Variants in DAB2 observed in about 807,000 individuals in gnomAD.
DAB2 encodes disabled homolog 2.
Under a neutral mutation model 71.6 loss-of-function variants are expected in DAB2, and 28 were observed. The ratio of observed to expected loss-of-function variants is 0.39; its 90% CI spans 0.29 to 0.54. The LOEUF (loss-of-function observed/expected upper bound fraction) is 0.54. DAB2 is among the 20% of genes least tolerant of loss of function. DAB2 has a pLI of 0.68. For missense variants in DAB2, 867 were observed against 928.8 expected, an observed-to-expected ratio of 0.93 and a Z score of 0.86; for synonymous variants, 345 against 339.7, an observed-to-expected ratio of 1.02 and a Z score of -0.17.
chr5:39,390,068 G>C, intron 5 of DAB2, 136 bp from the exon 6 acceptor site: 1 of 657,724 alleles, frequency 1.5e-6, no homozygotes, highest in Non-Finnish European at 2.6e-6. Context: ...TGGCTTATAG[G>C]GGATCACCAC....
At chr5:39,378,818 A>G (rs1754891400) in intron 11 of DAB2, among the ~76,000 whole-genome samples, 1 of 152,220 alleles carries the variant, frequency 6.6e-6, no homozygotes, top group Admixed American at 6.5e-5. Context: ...GGCATGGGGC[A>G]ATTTTAATTT....
chr5:39,389,214 T>C (rs1196613459), intron 6 of DAB2, 91 bp from the exon 7 acceptor site: 3 of 963,372 alleles, frequency 3.1e-6, no homozygotes, highest in Non-Finnish European at 4.9e-6. Flanking sequence ...TTCACAGGCA[T>C]AAGGCAAGAA....
At chr5:39,393,212 CT>C (rs1755277767) in intron 3 of DAB2, 41 bp downstream of exon 3, 2 of 1,596,648 alleles carry the variant, frequency 1.3e-6, no homozygotes, top group African/African-American at 1.3e-5. Context: ...CTCTCTTGGA[CT>C]TTTGCTTAAT....
At chr5:39,392,748 G>C (rs1449102565) in intron 3 of DAB2, among the ~76,000 whole-genome samples, 1 of 152,148 alleles carries the variant, frequency 6.6e-6, no homozygotes, top group Non-Finnish European at 1.5e-5. Flanking sequence ...GTTTCTTCTA[G>C]GCCTTGAACT....
Position 39,409,294 on chromosome 5 carries a change from T to A in DAB2, c.-101-14873A>T, listed in dbSNP as rs141881289. 1.4e-4 allele frequency among the ~76,000 whole-genome samples: 21 copies of A among 152,280 alleles called. No homozygotes were observed. The East Asian group carries it at 4.1e-3, about 29-fold the overall frequency. ...AATATGTTTTGTGGGAATAAATAAA[T>A]GCACTTTTAAACTGAGGGATGTAAA... On this transcript the variant is annotated intron_variant, in intron 1 of 14. Transcript: ENST00000320816.
intron 9 of DAB2, 149 bp from the exon 10 acceptor site, chr5:39,383,420 C>T: frequency 1.5e-6 from 1 of 647,784 alleles, no homozygotes; most frequent in South Asian, 2.0e-5. Context: ...TTCCATCAAC[C>T]CCCGTAGTCC....
Position 39,383,287 on chromosome 5 carries a change from AG to A in DAB2, c.688-17del. 6.4e-7 allele frequency: 1 copy of A among 1,565,186 alleles called. No individual in the cohort carries two copies. The highest frequency in any genetic ancestry group is 8.7e-7 in the Non-Finnish European group (1 of 1,154,284). On this transcript the variant is annotated splice_polypyrimidine_tract_variant and intron_variant, in intron 9 of 14. Transcript: ENST00000320816. ...CTTTGCTTTCCTATCACATTTGGAA[AG>A]AAAAAAAAAGAAAGTGTTAGTCCAT...
chr5:39,400,210 C>T (rs1230818283), intron 1 of DAB2, among the ~76,000 whole-genome samples: 3 of 151,888 alleles, frequency 2.0e-5, no homozygotes, highest in Non-Finnish European at 4.4e-5. Context: ...TTCCGAAAGG[C>T]CTATGAAACA....
At chr5:39,407,283 G>C (rs781052450) in intron 1 of DAB2, among the ~76,000 whole-genome samples, 1 of 152,160 alleles carries the variant, frequency 6.6e-6, no homozygotes, top group Admixed American at 6.5e-5. Flanking sequence ...GCAGAGGCGC[G>C]ATCTCAGCTC....
intron 14 of DAB2, among the ~76,000 whole-genome samples, chr5:39,374,525 T>G (rs1479415069): frequency 6.6e-6 from 1 of 152,194 alleles, no homozygotes; most frequent in Non-Finnish European, 1.5e-5. Context: ...TTTAATACCA[T>G]CAGACTCTTT....
intron 4 of DAB2, 49 bp downstream of exon 4, chr5:39,392,316 T>C (rs1755251509): frequency 1.4e-6 from 2 of 1,399,506 alleles, no homozygotes; most frequent in Admixed American, 1.7e-5. Context: ...AGCAAATTGT[T>C]GGTCAGACTC....
intron 9 of DAB2, 67 bp downstream of exon 9, chr5:39,388,237 CT>C: frequency 8.7e-7 from 1 of 1,150,146 alleles, no homozygotes; most frequent in Non-Finnish European, 1.3e-6. Context: ...CTTAAGATTT[CT>C]GGTTATTGCC....
intron 1 of DAB2, among the ~76,000 whole-genome samples, chr5:39,410,812 A>AG (rs1755709799): frequency 6.6e-6 from 1 of 151,700 alleles, no homozygotes; most frequent in Non-Finnish European, 1.5e-5. Flanking sequence ...TGCTTAAAAA[A>AG]AAAACTATGA....
intron 1 of DAB2, among the ~76,000 whole-genome samples, chr5:39,402,191 G>A (rs540713671): frequency 3.4e-4 from 52 of 152,196 alleles, no homozygotes; most frequent in South Asian, 1.5e-3. Context: ...ACAATACATG[G>A]GAATTATGGG....
intron 11 of DAB2, among the ~76,000 whole-genome samples, chr5:39,379,970 C>A (rs188082299): frequency 3.3e-5 from 5 of 152,282 alleles, no homozygotes; most frequent in Admixed American, 6.5e-5. Context: ...GTTATAGGGT[C>A]CAGCTGTATT....
Position 39,374,917 on chromosome 5 carries a change from C to G in DAB2, c.*5+97G>C, listed in dbSNP as rs776214246. The G allele has an allele frequency of 6.3e-6, 5 of 794,908 alleles. No homozygotes were observed. In the African/African-American group the frequency reaches 6.9e-5, roughly 11 times the overall value. 49.2% of individuals were successfully genotyped at this position (794,908 alleles called of 1,614,324 possible). A position where few individuals can be genotyped will look rare whatever the true frequency, so the allele number is the denominator to read the frequency against. ...TACTCCTAAATTATAGATATTTACC[C>G]TCTTCCCAATTCTAAAATTAAAATT... On this transcript the variant is annotated intron_variant, in intron 14 of 14. Coordinates refer to ENST00000320816, the MANE Select transcript of DAB2 (RefSeq NM_001343.4).
rs776403237 is a variant in DAB2 at position 39,382,809 on chromosome 5, T to C, written c.1150A>G (p.Arg384Gly). The part of the protein sequence containing the change: ...AVRTQNGVSE[R>G]EQNGFSVKSS... ...TTGACAGAGAAGCCGTTCTGTTCTC[T>C]TTCAGATACCCCATTTTGAGTTCTC... Residue 384 changes from arginine to glycine, a missense_variant, in exon 10 of 15, where the codon AGA becomes GGA. Physicochemically the swap from Arg to Gly is moderately radical, Grantham distance 125 (BLOSUM62 -2). Around this residue, in one of 2 missense-constraint regions of DAB2, gnomAD observed 740 missense variants for 734.3 expected, o/e 1.01. Coordinates refer to ENST00000320816, the MANE Select transcript of DAB2 (RefSeq NM_001343.4). The C allele has an allele frequency of 5.0e-6, 8 of 1,614,184 alleles. No homozygotes were observed. Among genetic ancestry groups the C allele is most frequent in the South Asian group, 1.1e-5 (1 of 91,086 alleles).
At chr5:39,374,697 A>G (rs926870341) in intron 14 of DAB2, 2 of 249,234 alleles carry the variant, frequency 8.0e-6, no homozygotes, top group African/African-American at 2.3e-5. Context: ...ATGAAAGTAA[A>G]AAGGTTAGAA....
intron 4 of DAB2, among the ~76,000 whole-genome samples, chr5:39,391,841 A>C (rs1755233202): frequency 6.6e-6 from 1 of 151,868 alleles, no homozygotes. Context: ...AGAAATGAAA[A>C]AGAGGTAGAT....
Sources: gnomAD v4.1 joint callset for allele counts (sites outside exome capture counted in the v4.1 genomes callset) on GRCh38, gnomAD v4.1.1 for gene constraint, gnomAD v4.1.1 regional missense constraint, MANE v1.5 for transcripts, NCBI Gene and HGNC (gene_info 2026-07-23, HGNC 2026-07-21) for gene names.